RPS6KA5: variants seen among roughly 807,000 people sequenced by gnomAD.
RPS6KA5 encodes the protein ribosomal protein S6 kinase A5.
Under a neutral mutation model 85.5 loss-of-function variants are expected in RPS6KA5, and 27 were observed. The ratio of observed to expected loss-of-function variants is 0.32; its 90% CI spans 0.23 to 0.44. RPS6KA5 has a LOEUF of 0.44. Among genes scored for constraint, RPS6KA5 ranks in the 20% least tolerant of loss-of-function variants. The probability of loss-of-function intolerance (pLI) is 1.00; values close to 1 mark genes in which losing one functional copy is unlikely to be tolerated. For synonymous variants in RPS6KA5, 334 were observed against 348.2 expected (o/e 0.96, Z 0.46); for missense variants, 811 against 980.9 (o/e 0.83, Z 2.31).
At chr14:90,882,124 TTTC>T (rs1176778613) in intron 14 of RPS6KA5, among the ~76,000 whole-genome samples, 1 of 152,224 alleles carries the variant, frequency 6.6e-6, no homozygotes, top group South Asian at 2.1e-4. Flanking sequence ...TTTAAATTCC[TTTC>T]TTTTTTCTTT....
At chr14:90,874,678 G>T (rs962883127) in intron 15 of RPS6KA5, among the ~76,000 whole-genome samples, 4 of 152,162 alleles carry the variant, frequency 2.6e-5, no homozygotes, top group African/African-American at 9.7e-5. Context: ...AGGAAGTGAG[G>T]CAAGGTGAAA....
intron 1 of RPS6KA5, among the ~76,000 whole-genome samples, chr14:91,029,588 G>T (rs2042108325): frequency 6.6e-6 from 1 of 152,220 alleles, no homozygotes; most frequent in African/African-American, 2.4e-5. Flanking sequence ...ACATTCTCAA[G>T]CAAGTTACTT....
At chr14:90,958,869 C>T (rs2038657104) in intron 3 of RPS6KA5, among the ~76,000 whole-genome samples, 1 of 151,892 alleles carries the variant, frequency 6.6e-6, no homozygotes, top group African/African-American at 2.4e-5. Context: ...AGCATAGATA[C>T]AAAGGTCTAG....
chr14:90,976,202 G>GAAAAAAAA, intron 3 of RPS6KA5, among the ~76,000 whole-genome samples: 1 of 109,068 alleles, frequency 9.2e-6, no homozygotes, highest in Non-Finnish European at 1.9e-5. Context: ...TAAGAGAACA[G>GAAAAAAAA]AAAAAAAAAA....
chr14:90,987,630 C>T (rs1296133789), intron 2 of RPS6KA5, among the ~76,000 whole-genome samples: 1 of 152,152 alleles, frequency 6.6e-6, no homozygotes, highest in African/African-American at 2.4e-5. Context: ...ACCGCCTCAA[C>T]TGGAAAAACA....
chr14:90,944,934 ATTT>A (rs34492881), intron 4 of RPS6KA5, among the ~76,000 whole-genome samples: 1 of 146,478 alleles, frequency 6.8e-6, no homozygotes, highest in Admixed American at 6.7e-5. Context: ...CAATGTCTCT[ATTT>A]TTTTTTTTTT....
intron 1 of RPS6KA5, among the ~76,000 whole-genome samples, chr14:91,044,376 GGAAAGAAAGAAA>G (rs1192366909): frequency 2.6e-4 from 3 of 11,426 alleles, no homozygotes; most frequent in Admixed American, 8.4e-4. Context: ...AAAGAAAGAA[GGAAAGAAAGAAA>G]GAAGGAAAGA....
intron 13 of RPS6KA5, among the ~76,000 whole-genome samples, chr14:90,892,836 G>A (rs948248992): frequency 1.3e-5 from 2 of 152,102 alleles, no homozygotes; most frequent in African/African-American, 4.8e-5. Context: ...TTAGTTCAAA[G>A]GTCTATTTTC....
At chr14:91,011,859 T>C (rs1341178585) in intron 1 of RPS6KA5, among the ~76,000 whole-genome samples, 2 of 152,270 alleles carry the variant, frequency 1.3e-5, no homozygotes, top group South Asian at 2.1e-4. Flanking sequence ...AAGTAAACCA[T>C]GGCCTACTCA....
At chr14:90,914,443 T>C (rs902030425) in intron 7 of RPS6KA5, among the ~76,000 whole-genome samples, 5 of 150,492 alleles carry the variant, frequency 3.3e-5, no homozygotes, top group Non-Finnish European at 7.4e-5. Flanking sequence ...GCCTCCTGAG[T>C]AGCTGGAATT....
chr14:90,953,971 T>C (rs112340510), intron 3 of RPS6KA5, among the ~76,000 whole-genome samples: 5 of 152,326 alleles, frequency 3.3e-5, no homozygotes, highest in African/African-American at 1.2e-4. Context: ...TTTTTGCCCT[T>C]TGAAGCATGT....
chr14:90,981,164 T>C (rs542371402), intron 2 of RPS6KA5, among the ~76,000 whole-genome samples: 1 of 152,312 alleles, frequency 6.6e-6, no homozygotes, highest in South Asian at 2.1e-4. Context: ...AGAGTGAAAC[T>C]TAGTCTGAAA....
chr14:90,890,343 C>G, intron 14 of RPS6KA5, 144 bp downstream of exon 14: 1 of 501,096 alleles, frequency 2.0e-6, no homozygotes, highest in Non-Finnish European at 3.5e-6. Context: ...AAATACTATT[C>G]AGTCAGGCCT....
At chr14:90,917,949 GGA>G (rs955734429) in intron 7 of RPS6KA5, among the ~76,000 whole-genome samples, 2 of 151,884 alleles carry the variant, frequency 1.3e-5, no homozygotes, top group Non-Finnish European at 2.9e-5. Flanking sequence ...ACAGATACCT[GGA>G]TTATTTCCAG....
intron 7 of RPS6KA5, among the ~76,000 whole-genome samples, chr14:90,907,321 C>T (rs1416820965): frequency 6.6e-6 from 1 of 152,234 alleles, no homozygotes; most frequent in Non-Finnish European, 1.5e-5. Flanking sequence ...GAGCCCAACG[C>T]TGGCTCTGCC....
chr14:90,911,659 CAG>C, intron 7 of RPS6KA5, among the ~76,000 whole-genome samples: 1 of 152,228 alleles, frequency 6.6e-6, no homozygotes. Flanking sequence ...ATTATGTTTA[CAG>C]AGAGTTTTCT....
chr14:91,046,020 C>T (rs2042859312), intron 1 of RPS6KA5, among the ~76,000 whole-genome samples: 1 of 152,180 alleles, frequency 6.6e-6, no homozygotes, highest in Admixed American at 6.5e-5. Flanking sequence ...CCCACAACAA[C>T]CAGGGCCTCA....
intron 14 of RPS6KA5, among the ~76,000 whole-genome samples, chr14:90,890,001 CA>C (rs999822266): frequency 6.6e-6 from 1 of 152,130 alleles, no homozygotes; most frequent in African/African-American, 2.4e-5. Context: ...TCACAGCAGC[CA>C]AGGACATTTT....
intron 1 of RPS6KA5, among the ~76,000 whole-genome samples, chr14:91,013,103 C>G (rs113217412): frequency 0.015 from 2,252 of 152,272 alleles, 53 homozygotes; most frequent in African/African-American, 0.052. Flanking sequence ...AGTGTACCTC[C>G]CTTCATATAA....
Sources: allele counts gnomAD v4.1 joint callset (sites outside exome capture counted in the v4.1 genomes callset), GRCh38; gene constraint gnomAD v4.1.1; transcripts MANE v1.5; gene names NCBI Gene and HGNC (gene_info 2026-07-23, HGNC 2026-07-21).